The following TNPO1 variants were observed in gnomAD, a reference collection of about 807,000 sequenced individuals.
The protein encoded by TNPO1 is transportin-1.
A neutral mutation model predicts 119.5 loss-of-function variants in TNPO1; 8 were observed. The observed-to-expected ratio is 0.07, with a 90% CI of 0.04 to 0.12. The LOEUF is 0.12. Ranked by LOEUF, TNPO1 falls within the 10% of genes least tolerant of loss-of-function variation. The pLI is 1.00. For synonymous variants in TNPO1, 362 were observed against 363.0 expected (o/e 1.00, Z 0.03); for missense variants, 576 against 1,089.8 (o/e 0.53, Z 6.64).
chr5:72,893,804 C>A, intron 18 of TNPO1, 101 bp downstream of exon 18: 2 of 1,100,242 alleles, frequency 1.8e-6, no homozygotes, highest in Non-Finnish European at 2.7e-6. Flanking sequence ...GGAATCCCAA[C>A]ATTTATAAAT....
intron 11 of TNPO1, 89 bp from the exon 12 acceptor site, chr5:72,886,981 G>T: frequency 8.7e-7 from 1 of 1,147,100 alleles, no homozygotes. Flanking sequence ...CTCCGTATTA[G>T]AGATACGAAT....
chr5:72,874,570 T>C (rs896571351), intron 7 of TNPO1, among the ~76,000 whole-genome samples: 5 of 152,220 alleles, frequency 3.3e-5, no homozygotes, highest in African/African-American at 1.2e-4. Flanking sequence ...CTTTTGTATG[T>C]AAAATACAAT....
intron 11 of TNPO1, among the ~76,000 whole-genome samples, chr5:72,883,667 C>T (rs929830016): frequency 6.6e-6 from 1 of 152,174 alleles, no homozygotes; most frequent in Non-Finnish European, 1.5e-5. Flanking sequence ...TTGTGTTTCT[C>T]TTTTTGTAGC....
chr5:72,888,426 T>C (rs1271809311), intron 13 of TNPO1, 123 bp downstream of exon 13: 2 of 850,396 alleles, frequency 2.4e-6, no homozygotes, highest in African/African-American at 3.4e-5. Context: ...TTTCCAGTTA[T>C]ATCAGAAAGC....
chr5:72,882,913 C>G, intron 10 of TNPO1, 151 bp from the exon 11 acceptor site: 1 of 648,048 alleles, frequency 1.5e-6, no homozygotes, highest in Non-Finnish European at 2.7e-6. Context: ...GGAATATGTT[C>G]TGTACATGGG....
At chr5:72,883,598 G>T (rs940993939) in intron 11 of TNPO1, among the ~76,000 whole-genome samples, 4 of 152,164 alleles carry the variant, frequency 2.6e-5, no homozygotes, top group Non-Finnish European at 5.9e-5. Flanking sequence ...CACTTGTATT[G>T]TGAAATAATA....
At chr5:72,833,774 A>G (rs1263660317) in intron 1 of TNPO1, among the ~76,000 whole-genome samples, 1 of 152,174 alleles carries the variant, frequency 6.6e-6, no homozygotes, top group African/African-American at 2.4e-5. Context: ...ATGAATTTTT[A>G]TACGTCTCAT....
At chr5:72,848,359 C>T (rs749867993) in intron 1 of TNPO1, 26 bp from the exon 2 acceptor site, 11 of 1,604,860 alleles carry the variant, frequency 6.9e-6, no homozygotes, top group East Asian at 4.5e-5. Flanking sequence ...TGCTCCGTCT[C>T]TTCCTGTGTC....
chr5:72,872,774 G>C, intron 7 of TNPO1, 54 bp downstream of exon 7: 2 of 1,152,830 alleles, frequency 1.7e-6, no homozygotes, highest in Non-Finnish European at 2.5e-6. Context: ...TTTTTGAGAA[G>C]GTTAGGTGAT....
intron 8 of TNPO1, among the ~76,000 whole-genome samples, chr5:72,876,891 G>A (rs935527060): frequency 2.9e-4 from 44 of 151,860 alleles, no homozygotes; most frequent in African/African-American, 1.0e-3. Context: ...TCAGGAGATC[G>A]AGACCATCCT....
At chr5:72,886,950 A>G (rs1748696691) in intron 11 of TNPO1, 120 bp from the exon 12 acceptor site, 1 of 922,426 alleles carries the variant, frequency 1.1e-6, no homozygotes, top group Non-Finnish European at 1.5e-6. Context: ...CCTCCTATTC[A>G]ATTGAATTCT....
intron 1 of TNPO1, among the ~76,000 whole-genome samples, chr5:72,844,322 C>T (rs1350856276): frequency 6.6e-6 from 1 of 152,170 alleles, no homozygotes; most frequent in African/African-American, 2.4e-5. Flanking sequence ...GAAAGACTCT[C>T]AATAAATATT....
intron 6 of TNPO1, among the ~76,000 whole-genome samples, chr5:72,871,125 C>T (rs1469390667): frequency 2.0e-5 from 3 of 152,092 alleles, no homozygotes; most frequent in African/African-American, 7.2e-5. Flanking sequence ...TACAGGCATG[C>T]ACCACCAGGC....
At position 72,891,909 on chromosome 5, in the gene TNPO1, A is replaced by G; in HGVS notation, c.1788+13A>G. On this transcript the variant is annotated intron_variant, in intron 15 of 24. Transcript: ENST00000337273. ...CCCTTTACTTGAGGTATGCAGGGCT[A>G]GTAATATTTAATCTGTTGCCAAGAA... 1 of 1,592,224 alleles carries G rather than the reference A, an allele frequency of 6.3e-7. No individual in the cohort carries two copies. The highest frequency in any genetic ancestry group is 1.3e-5 in the African/African-American group (1 of 74,330).
At chr5:72,873,807 G>T (rs1747576403) in intron 7 of TNPO1, among the ~76,000 whole-genome samples, 1 of 151,938 alleles carries the variant, frequency 6.6e-6, no homozygotes, top group East Asian at 1.9e-4. Context: ...GTCAATAATT[G>T]ACCTACCTTG....
At chr5:72,856,763 C>T (rs939317922) in intron 4 of TNPO1, among the ~76,000 whole-genome samples, 10 of 152,100 alleles carry the variant, frequency 6.6e-5, no homozygotes, top group African/African-American at 2.4e-4. Context: ...TTTCTGTTAG[C>T]TTATGTAATA....
chr5:72,835,355 T>C (rs1472735355), intron 1 of TNPO1, among the ~76,000 whole-genome samples: 1 of 152,174 alleles, frequency 6.6e-6, no homozygotes, highest in Non-Finnish European at 1.5e-5. Context: ...TACCTTAGAC[T>C]GGGTAATTTA....
At chr5:72,841,721 T>A (rs1269308148) in intron 1 of TNPO1, among the ~76,000 whole-genome samples, 1 of 152,174 alleles carries the variant, frequency 6.6e-6, no homozygotes, top group African/African-American at 2.4e-5. Flanking sequence ...CATCATTAGG[T>A]GCCTGTAAAC....
chr5:72,842,297 A>G (rs573753169), intron 1 of TNPO1, among the ~76,000 whole-genome samples: 1 of 152,136 alleles, frequency 6.6e-6, no homozygotes, highest in Non-Finnish European at 1.5e-5. Flanking sequence ...GAAAGGCAGT[A>G]TATCAGGGGC....
Sources: allele counts gnomAD v4.1 joint callset (sites outside exome capture counted in the v4.1 genomes callset), GRCh38; gene constraint gnomAD v4.1.1; transcripts MANE v1.5; gene names NCBI Gene and HGNC (gene_info 2026-07-23, HGNC 2026-07-21).